AMBN: variants seen among roughly 807,000 people sequenced by gnomAD.
AMBN encodes the protein enamel matrix protein.
In AMBN, 54 loss-of-function variants were observed where a neutral mutation model predicts 48.0. The ratio of observed to expected loss-of-function variants is 1.12; its 90% CI spans 0.90 to 1.41. The LOEUF is 1.41. AMBN is among the 40% of genes most tolerant of loss of function. The pLI, the probability that AMBN is intolerant of heterozygous loss-of-function variation, is 0.00. For missense variants in AMBN, 571 were observed against 547.3 expected (o/e 1.04, Z -0.43); for synonymous variants, 186 against 190.0 (o/e 0.98, Z 0.17).
At chr4:70,602,336 A>G (rs1042428114) in intron 6 of AMBN, among the ~76,000 whole-genome samples, 7 of 152,180 alleles carry the variant, frequency 4.6e-5, no homozygotes, top group Non-Finnish European at 1.0e-4. Flanking sequence ...TCCAAAATTC[A>G]TTACTTTCTA....
intron 12 of AMBN, among the ~76,000 whole-genome samples, chr4:70,604,449 T>G (rs79024248): frequency 6.6e-6 from 1 of 152,194 alleles, no homozygotes; most frequent in African/African-American, 2.4e-5. Context: ...AGTTTAAGAT[T>G]TGAGATCAAT....
chr4:70,597,777 A>T (rs951188823), intron 3 of AMBN, among the ~76,000 whole-genome samples: 7 of 152,152 alleles, frequency 4.6e-5, no homozygotes, highest in African/African-American at 1.7e-4. Context: ...TTTTAGCTTA[A>T]ACTCAATCCA....
chr4:70,601,690 C>T, intron 6 of AMBN, 36 bp downstream of exon 6: 1 of 1,590,254 alleles, frequency 6.3e-7, no homozygotes. Flanking sequence ...TCAGAATCAC[C>T]AGCTAACCTA....
At chr4:70,606,155 G>A (rs1737637513) in intron 12 of AMBN, 30 bp from the exon 13 acceptor site, 1 of 1,610,380 alleles carries the variant, frequency 6.2e-7, no homozygotes, top group Non-Finnish European at 8.5e-7. Flanking sequence ...ATGTGATGAT[G>A]GCATCTTTGA....
rs758599357 is a variant in AMBN, at chr4:70,602,780, T to C, written c.571-18T>C. 4.1e-5 allele frequency: 64 copies of C among 1,557,358 alleles called. No individual in the cohort carries two copies. Among genetic ancestry groups the C allele is most frequent in the Admixed American group, 5.6e-5 (3 of 53,542 alleles). ...GTTCATTTTTTACTGATAATTTTAATATTTATCTACAATATAGCTCCCAGG... is the reference window on the plus strand; with the variant it reads ...GTTCATTTTTTACTGATAATTTTAACATTTATCTACAATATAGCTCCCAGG... On this transcript the variant is annotated intron_variant, in intron 7 of 12. Transcript: ENST00000322937.
intron 5 of AMBN, among the ~76,000 whole-genome samples, chr4:70,599,853 T>C (rs1354490653): frequency 1.3e-5 from 2 of 152,194 alleles, no homozygotes; most frequent in African/African-American, 4.8e-5. Context: ...TTATTTAAAA[T>C]AGGAAGATAC....
At position 70,606,166 on chromosome 4, in the gene AMBN, C is replaced by T. The variant is rs369894758; in HGVS notation, c.799-19C>T. ...TAGCATGTGATGATGGCATCTTTGA[C>T]GAATGTTTTTTTTTCCAGGGCGGGA... is the stretch of plus-strand genomic sequence containing the variant. On this transcript the variant is annotated intron_variant, in intron 12 of 12. Coordinates refer to ENST00000322937, the MANE Select transcript of AMBN (RefSeq NM_016519.6). The T allele has an allele frequency of 4.2e-5, 68 of 1,611,818 alleles. 1 individual carries two copies. Among genetic ancestry groups the T allele is most frequent in the South Asian group, 2.4e-4 (22 of 90,962 alleles).
chr4:70,592,908 C>T (rs1008957424), intron 1 of AMBN, among the ~76,000 whole-genome samples: 1 of 152,194 alleles, frequency 6.6e-6, no homozygotes, highest in Non-Finnish European at 1.5e-5. Context: ...AGTTGCATTA[C>T]ATTTCACATG....
Position 70,597,011 on chromosome 4 carries a change from C to G in AMBN, c.97C>G (p.Gln33Glu). 6.2e-7 allele frequency: 1 copy of G among 1,613,344 alleles called. No homozygotes were observed. The highest frequency in any genetic ancestry group is 8.5e-7 in the Non-Finnish European group (1 of 1,179,518). ...TATTTTCATTCAGTTCTTTCCTCAG[C>G]AATCTGGAACACCGGGTATGGCTAG... The part of the protein sequence containing the change: ...MSFAVPFFPQ[Q>E]SGTPGMASLS... Residue 33 changes from glutamine to glutamate, a missense_variant, in exon 3 of 13, where the codon CAA becomes GAA. Transcript: ENST00000322937.
chr4:70,601,262 A>G (rs1470097676), intron 5 of AMBN, among the ~76,000 whole-genome samples, 156 bp from the exon 6 acceptor site: 1 of 152,152 alleles, frequency 6.6e-6, no homozygotes, highest in African/African-American at 2.4e-5. Flanking sequence ...CAACATTAAC[A>G]CTAACTGGTG....
chr4:70,601,179 C>T lies in AMBN; in HGVS notation c.295-239C>T, dbSNP rs116518439. 4.3e-3 allele frequency among the ~76,000 whole-genome samples: 657 copies of T among 152,252 alleles called. 3 individuals carry two copies. The highest frequency in any genetic ancestry group is 0.015 in the African/African-American group (606 of 41,554). ...ACATGACTCATCCTACCAGGAGGTT[C>T]ATGTAGCTTCACCTTTACGAGCAAT... On this transcript the variant is annotated intron_variant, in intron 5 of 12. Transcript: ENST00000322937.
At chr4:70,604,092 T>C (rs1383275291) in intron 12 of AMBN, among the ~76,000 whole-genome samples, 171 bp downstream of exon 12, 5 of 152,230 alleles carry the variant, frequency 3.3e-5, no homozygotes, top group Non-Finnish European at 5.9e-5. Flanking sequence ...GATTTCATCA[T>C]GTTTCCTATG....
intron 2 of AMBN, 79 bp from the exon 3 acceptor site, chr4:70,596,920 G>A (rs1737395491): frequency 9.3e-6 from 12 of 1,295,136 alleles, no homozygotes; most frequent in African/African-American, 2.9e-5. Flanking sequence ...GTATGTACTG[G>A]AGCAATATCC....
At chr4:70,592,463 A>G in intron 1 of AMBN, 90 bp downstream of exon 1, 1 of 1,408,216 alleles carries the variant, frequency 7.1e-7, no homozygotes, top group Non-Finnish European at 1.0e-6. Flanking sequence ...ATTTATCTTC[A>G]TTTGTCACCA....
At position 70,601,432 on chromosome 4, in the gene AMBN, G is replaced by A; in HGVS notation, c.309G>A (p.Leu103=). ...TTTCTCTGCAGTATGAATATTCTTT[G>A]CCTGTGCATCCCCCACCTCTCCCAT... ...EHETQQYEYS[L]PVHPPPLPSQ... The change falls in exon 6 of 13, where the codon TTG becomes TTA. Residue 103 remains leucine, a synonymous_variant. Coordinates refer to ENST00000322937, the MANE Select transcript of AMBN (RefSeq NM_016519.6). 5.0e-6 allele frequency: 8 copies of A among 1,613,890 alleles called. No homozygotes were observed. The highest frequency in any genetic ancestry group is 6.8e-6 in the Non-Finnish European group (8 of 1,179,900).
chr4:70,599,899 A>G (rs1209932039), intron 5 of AMBN, among the ~76,000 whole-genome samples: 1 of 152,242 alleles, frequency 6.6e-6, no homozygotes, highest in Non-Finnish European at 1.5e-5. Context: ...TAAAGATATC[A>G]GTAAACAATC....
Position 70,601,395 on chromosome 4 carries a change from A to G in AMBN, c.295-23A>G, listed in dbSNP as rs749277134. The stretch of plus-strand genomic sequence containing the variant: ...GTTTAATGAGCCATCCCTTCCTAAC[A>G]CTCTTTTCAAATTTCTCTGCAGTAT... On this transcript the variant is annotated intron_variant, in intron 5 of 12. Transcript: ENST00000322937. 3.1e-6 allele frequency: 5 copies of G among 1,608,968 alleles called. No individual in the cohort carries two copies. The East Asian group carries it at 8.9e-5, about 29-fold the overall frequency.
chr4:70,594,143 T>C (rs1737340254), intron 2 of AMBN, among the ~76,000 whole-genome samples: 1 of 152,230 alleles, frequency 6.6e-6, no homozygotes, highest in Admixed American at 6.5e-5. Flanking sequence ...GATAATTCCA[T>C]TTAAAGCTAG....
intron 2 of AMBN, among the ~76,000 whole-genome samples, chr4:70,596,279 CAA>C (rs36108778): frequency 8.7e-4 from 102 of 117,240 alleles, no homozygotes; most frequent in African/African-American, 1.4e-3. Context: ...AACTTAGTCT[CAA>C]AAAAAAAAAA....
Sources: allele counts gnomAD v4.1 joint callset (sites outside exome capture counted in the v4.1 genomes callset), GRCh38; gene constraint gnomAD v4.1.1; transcripts MANE v1.5; gene names NCBI Gene and HGNC (gene_info 2026-07-23, HGNC 2026-07-21).